Variants in DCLK1 observed in about 807,000 individuals in gnomAD.
DCLK1 encodes serine/threonine-protein kinase DCLK1.
DCLK1 carries 16 observed loss-of-function variants against 86.2 expected under a neutral mutation model. The ratio of observed to expected loss-of-function variants is 0.19; its 90% confidence interval spans 0.13 to 0.28. DCLK1 has a LOEUF of 0.28. Ranked by LOEUF, DCLK1 falls within the 10% of genes least tolerant of loss-of-function variation. The pLI is 1.00. For synonymous variants in DCLK1, 369 were observed against 370.5 expected (o/e 1.00, Z 0.05); for missense variants, 590 against 940.2 (o/e 0.63, Z 4.87).
chr13:35,875,563 T>C (rs141494842), intron 4 of DCLK1, among the ~76,000 whole-genome samples: 1 of 152,348 alleles, frequency 6.6e-6, no homozygotes, highest in African/African-American at 2.4e-5. Context: ...CAGCTCTTCT[T>C]ATCAGAAGAA....
chr13:35,899,269 G>T (rs1187196230), intron 4 of DCLK1, among the ~76,000 whole-genome samples: 1 of 151,602 alleles, frequency 6.6e-6, no homozygotes, highest in Non-Finnish European at 1.5e-5. Flanking sequence ...CCAAGCCCCA[G>T]GATAATAATA....
chr13:35,881,406 T>A (rs893743460), intron 4 of DCLK1, among the ~76,000 whole-genome samples: 3 of 152,146 alleles, frequency 2.0e-5, no homozygotes, highest in Non-Finnish European at 4.4e-5. Context: ...ACTGCTTCCA[T>A]CAGGGTGCAG....
At chr13:35,833,812 T>C (rs963801170) in intron 8 of DCLK1, among the ~76,000 whole-genome samples, 2 of 152,194 alleles carry the variant, frequency 1.3e-5, no homozygotes, top group Non-Finnish European at 2.9e-5. Context: ...CTGATACCTC[T>C]GGGGACAGAG....
chr13:35,793,235 C>T (rs1668188891), intron 16 of DCLK1, 131 bp downstream of exon 16: 1 of 571,560 alleles, frequency 1.7e-6, no homozygotes, highest in African/African-American at 1.9e-5. Flanking sequence ...TCCTCTAGTG[C>T]ATTAAGTGGC....
intron 4 of DCLK1, among the ~76,000 whole-genome samples, chr13:35,891,629 T>A (rs1873649528): frequency 6.6e-6 from 1 of 152,220 alleles, no homozygotes; most frequent in Non-Finnish European, 1.5e-5. Context: ...ATGTGAATCA[T>A]ATCTCAATAG....
chr13:35,872,172 AT>A (rs149878743), intron 4 of DCLK1, among the ~76,000 whole-genome samples: 3,010 of 152,308 alleles, frequency 0.02, 101 homozygotes, highest in African/African-American at 0.068. Context: ...TAACAAAAAA[AT>A]ATATGCTTGT....
At chr13:35,958,079 T>TACCACCACCACC (rs1878144748) in intron 3 of DCLK1, among the ~76,000 whole-genome samples, 1 of 10,300 alleles carries the variant, frequency 9.7e-5, no homozygotes, top group Non-Finnish European at 1.6e-4. Context: ...CCACCACCAC[T>TACCACCACCACC]ACTATAACCA....
chr13:35,909,101 T>A (rs1479700303), intron 4 of DCLK1, among the ~76,000 whole-genome samples: 1 of 152,202 alleles, frequency 6.6e-6, no homozygotes, highest in Non-Finnish European at 1.5e-5. Flanking sequence ...AGTAGGTATG[T>A]TTGGACTGTG....
At position 35,774,488 on chromosome 13, in the gene DCLK1, TCA is replaced by T; in HGVS notation, c.*45_*46del. The stretch of plus-strand genomic sequence containing the variant: ...TACACAAATTTGGGGGAAAAAAATC[TCA>T]GAGTCTCAAAGGGTTAAGCTAGGAC... On this transcript the variant is annotated 3_prime_UTR_variant, in exon 17 of 17. Transcript: ENST00000360631. 2 of 1,542,104 alleles carry T rather than the reference TCA, an allele frequency of 1.3e-6. No homozygotes were observed. The highest frequency in any genetic ancestry group is 2.5e-5 in the East Asian group (1 of 40,720).
intron 3 of DCLK1, among the ~76,000 whole-genome samples, chr13:36,082,941 C>T (rs1237340757): frequency 6.6e-6 from 1 of 152,070 alleles, no homozygotes; most frequent in Non-Finnish European, 1.5e-5. Flanking sequence ...AAACCCAGCT[C>T]CTGGTGAGTC....
intron 3 of DCLK1, among the ~76,000 whole-genome samples, chr13:36,095,624 C>G (rs1462916756): frequency 2.6e-5 from 4 of 152,122 alleles, no homozygotes; most frequent in Admixed American, 1.3e-4. Context: ...AAGTAAATAT[C>G]ATGGACATAT....
rs746826751 is a variant in DCLK1 at position 35,979,609 on chromosome 13, T to G, written c.724-32152A>C. Among the ~76,000 whole-genome samples the G allele has an allele frequency of 3.9e-5, 6 of 152,242 alleles. No homozygotes were observed. In the South Asian group the frequency reaches 1.0e-3, roughly 26 times the overall value. ...GAAGGAACTGAATTTTCTTTTTTAC[T>G]TTTAAAAAGATGCTGAGCTGGCTCC... On this transcript the variant is annotated intron_variant, in intron 3 of 16. Transcript: ENST00000360631.
At position 35,773,220 on chromosome 13, in the gene DCLK1, G is replaced by C. The variant is rs2086364998; in HGVS notation, c.*1315C>G. The C allele has an allele frequency of 6.6e-6, 1 of 152,414 alleles. No homozygotes were observed. The highest frequency in any genetic ancestry group is 1.5e-5 in the Non-Finnish European group (1 of 68,034). The allele number at this position is 152,414 out of a possible 1,614,324, so 9.4% of individuals were successfully genotyped here. A position where few individuals can be genotyped will look rare whatever the true frequency, so the allele number is the denominator to read the frequency against. On this transcript the variant is annotated 3_prime_UTR_variant, in exon 17 of 17. Transcript: ENST00000360631. ...ATTTGGTAACAAGAGTGAAAATACAGGTCTCAGACAGGACTTGGCCCAAAG... is the reference window on the plus strand; with the variant it reads ...ATTTGGTAACAAGAGTGAAAATACACGTCTCAGACAGGACTTGGCCCAAAG...
intron 4 of DCLK1, among the ~76,000 whole-genome samples, chr13:35,896,299 GAGGCCA>G (rs1873976441): frequency 6.6e-6 from 1 of 152,050 alleles, no homozygotes; most frequent in South Asian, 2.1e-4. Context: ...AGCACTTTGG[GAGGCCA>G]AGGAGGGTGG....
At chr13:36,113,939 C>T (rs546539851) in intron 2 of DCLK1, among the ~76,000 whole-genome samples, 24 of 152,258 alleles carry the variant, frequency 1.6e-4, no homozygotes, top group Admixed American at 5.2e-4. Flanking sequence ...TGTGAGAATG[C>T]CCTAACACTC....
chr13:35,910,658 A>T (rs1874963388), intron 4 of DCLK1, among the ~76,000 whole-genome samples: 2 of 152,208 alleles, frequency 1.3e-5, no homozygotes, highest in South Asian at 4.1e-4. Context: ...AACTAGCAGC[A>T]TCCTGACTTC....
intron 3 of DCLK1, among the ~76,000 whole-genome samples, chr13:36,008,218 A>AT (rs1485661381): frequency 0.028 from 128 of 4,506 alleles, 1 homozygote; most frequent in Admixed American, 0.069. Flanking sequence ...TATTATTATT[A>AT]TTATTATTAT....
At chr13:35,785,866 G>A (rs1021368073) in intron 16 of DCLK1, among the ~76,000 whole-genome samples, 1 of 152,196 alleles carries the variant, frequency 6.6e-6, no homozygotes, top group Non-Finnish European at 1.5e-5. Flanking sequence ...CTCGCAATCA[G>A]TAAGGAGAGC....
intron 16 of DCLK1, among the ~76,000 whole-genome samples, chr13:35,783,469 A>T (rs777031969): frequency 2.6e-5 from 4 of 152,154 alleles, no homozygotes; most frequent in Non-Finnish European, 4.4e-5. Flanking sequence ...AACTCGCCCA[A>T]GGTTACTGCA....
Sources: gnomAD v4.1 joint callset for allele counts (sites outside exome capture counted in the v4.1 genomes callset) on GRCh38, gnomAD v4.1.1 for gene constraint, MANE v1.5 for transcripts, NCBI Gene and HGNC (gene_info 2026-07-23, HGNC 2026-07-21) for gene names.